The following VPS45 variants were observed in gnomAD, a reference collection of about 807,000 sequenced individuals.
VPS45 encodes the protein vacuolar protein sorting-associated protein 45.
In VPS45, 35 loss-of-function variants were observed where a neutral mutation model predicts 75.9. The observed-to-expected ratio is 0.46, with a 90% CI of 0.35 to 0.61. The LOEUF (loss-of-function observed/expected upper bound fraction) is 0.61. Ranked by LOEUF, VPS45 falls within the 20% of genes least tolerant of loss-of-function variation. The pLI is 0.00. For missense variants in VPS45, 559 were observed against 685.9 expected, an observed-to-expected ratio of 0.81 and a Z score of 2.07; for synonymous variants, 220 against 238.2, an observed-to-expected ratio of 0.92 and a Z score of 0.70.
chr1:150,083,062 G>A, intron 10 of VPS45, 179 bp downstream of exon 10: 4 of 639,620 alleles, frequency 6.3e-6, no homozygotes, highest in Non-Finnish European at 9.8e-6. Flanking sequence ...CAAGAGAAGT[G>A]TAATGTGCAA....
chr1:150,070,567 C>T (rs1469905042), intron 2 of VPS45, among the ~76,000 whole-genome samples: 2 of 150,862 alleles, frequency 1.3e-5, no homozygotes, highest in Non-Finnish European at 2.9e-5. Flanking sequence ...CCAAGGCAGG[C>T]GGATCACGAG....
chr1:150,120,475 A>G (rs1658177436), intron 14 of VPS45, among the ~76,000 whole-genome samples: 1 of 152,218 alleles, frequency 6.6e-6, no homozygotes, highest in Non-Finnish European at 1.5e-5. Context: ...GAGCCTTTGT[A>G]TAAGTAAGCT....
In VPS45 at chr1:150,078,757, G is replaced by A. The variant is rs112116652; in HGVS notation, c.687+978G>A. 8.0e-3 allele frequency among the ~76,000 whole-genome samples: 1,205 copies of A among 150,190 alleles called. 11 individuals carry two copies. The highest frequency in any genetic ancestry group is 0.028 in the African/African-American group (1,155 of 40,822). ...AGCCAGGGCGACAGAGCAAGACTCC[G>A]TCTCCAAAAATAAATAAATAAATAA... On this transcript the variant is annotated intron_variant, in intron 7 of 14. Transcript: ENST00000644510.
chr1:150,093,712 A>G, intron 13 of VPS45, 64 bp downstream of exon 13: 1 of 1,565,300 alleles, frequency 6.4e-7, no homozygotes, highest in Non-Finnish European at 8.7e-7. Flanking sequence ...AATTTAGAGT[A>G]ATGTTAAGGA....
chr1:150,141,597 G>T (rs1659394979), intron 14 of VPS45, among the ~76,000 whole-genome samples: 1 of 152,098 alleles, frequency 6.6e-6, no homozygotes, highest in Non-Finnish European at 1.5e-5. Flanking sequence ...TTAAAATCAG[G>T]GTTGGGGTTC....
chr1:150,105,074 C>T (rs888988887), intron 13 of VPS45, among the ~76,000 whole-genome samples: 12 of 152,166 alleles, frequency 7.9e-5, no homozygotes, highest in Non-Finnish European at 1.3e-4. Flanking sequence ...TGAGCATTCC[C>T]TTTTCTCCGC....
chr1:150,080,318 A>T (rs1553799038), intron 7 of VPS45, among the ~76,000 whole-genome samples: 1 of 151,756 alleles, frequency 6.6e-6, no homozygotes, highest in African/African-American at 2.4e-5. Context: ...CTAGTTTTGT[A>T]TTTTTAGTAG....
chr1:150,097,308 A>G (rs1182366589), intron 13 of VPS45, among the ~76,000 whole-genome samples: 1 of 148,766 alleles, frequency 6.7e-6, no homozygotes, highest in Admixed American at 6.6e-5. Flanking sequence ...CTGGTCTCGA[A>G]CTCCTGACCT....
chr1:150,118,283 CA>C (rs1255302690), intron 14 of VPS45, among the ~76,000 whole-genome samples: 14,852 of 71,746 alleles, frequency 0.21, 500 homozygotes, highest in Non-Finnish European at 0.25. Flanking sequence ...GACCCTGTCT[CA>C]AAAAAAAAAA....
At chr1:150,067,666 C>G (rs587720245), upstream of VPS45, 1 of 547,778 alleles carries the variant, frequency 1.8e-6, no homozygotes, top group Non-Finnish European at 3.2e-6. Flanking sequence ...CCGGATTTTT[C>G]CATCCCCGGG....
Position 150,088,434 on chromosome 1 carries a change from AAT to A in VPS45, c.1105-3482_1105-3481del, listed in dbSNP as rs200780573. On this transcript the variant is annotated intron_variant, in intron 10 of 14. Coordinates refer to ENST00000644510, the MANE Select transcript of VPS45 (RefSeq NM_007259.5). ...TGTTCTATTTCATGGCTGAATAATAAATATATATATATATATATATATGCTGC... is the reference window on the plus strand; with the variant it reads ...TGTTCTATTTCATGGCTGAATAATAAATATATATATATATATATATGCTGC... 2.2e-3 allele frequency among the ~76,000 whole-genome samples: 282 copies of A among 125,340 alleles called. 3 individuals carry two copies. In the East Asian group the frequency reaches 0.028, roughly 13 times the overall value. The allele number at this position is 125,340 out of a possible 152,430, so 82.2% of individuals were successfully genotyped here. A position where few individuals can be genotyped will look rare whatever the true frequency, so the allele number is the denominator to read the frequency against.
chr1:150,136,138 A>G (rs966121805), intron 14 of VPS45, among the ~76,000 whole-genome samples: 2 of 150,720 alleles, frequency 1.3e-5, no homozygotes, highest in African/African-American at 4.9e-5. Flanking sequence ...AATCCCAGCT[A>G]CTAGCAGGGC....
At chr1:150,144,548 G>GT (rs1333350878) in intron 14 of VPS45, among the ~76,000 whole-genome samples, 161 bp from the exon 15 acceptor site, 1 of 152,070 alleles carries the variant, frequency 6.6e-6, no homozygotes, top group African/African-American at 2.4e-5. Flanking sequence ...GGATGTTGTA[G>GT]TGCTCAACTG....
intron 14 of VPS45, among the ~76,000 whole-genome samples, chr1:150,128,530 G>T (rs1413298349): frequency 1.3e-5 from 2 of 152,058 alleles, no homozygotes; most frequent in African/African-American, 4.8e-5. Context: ...TTATCAACAG[G>T]TACTTTATAG....
At chr1:150,072,437 C>T (rs1270161604) in intron 3 of VPS45, among the ~76,000 whole-genome samples, 10 of 152,026 alleles carry the variant, frequency 6.6e-5, no homozygotes, top group African/African-American at 1.4e-4. Flanking sequence ...CCAAGGCGGG[C>T]GGATCATCTG....
At chr1:150,126,763 C>T (rs1284493138) in intron 14 of VPS45, among the ~76,000 whole-genome samples, 22 of 152,058 alleles carry the variant, frequency 1.4e-4, no homozygotes, top group Non-Finnish European at 1.6e-4. Context: ...GCCAGGGGTT[C>T]AAGAACAGCC....
At chr1:150,132,598 T>A (rs1260415443) in intron 14 of VPS45, among the ~76,000 whole-genome samples, 1 of 152,206 alleles carries the variant, frequency 6.6e-6, no homozygotes, top group African/African-American at 2.4e-5. Context: ...AGCACATATG[T>A]TCTTTCACTA....
chr1:150,072,113 T>C, intron 2 of VPS45, 53 bp from the exon 3 acceptor site: 1 of 1,512,682 alleles, frequency 6.6e-7, no homozygotes, highest in Non-Finnish European at 9.1e-7. Context: ...CTTATTACTT[T>C]TTTCCTTAAG....
At chr1:150,140,624 C>G (rs1659347899) in intron 14 of VPS45, among the ~76,000 whole-genome samples, 1 of 151,858 alleles carries the variant, frequency 6.6e-6, no homozygotes, top group African/African-American at 2.4e-5. Flanking sequence ...GCTTCTAGAA[C>G]AGTGCCTAGC....
Sources: allele counts gnomAD v4.1 joint callset (sites outside exome capture counted in the v4.1 genomes callset), GRCh38; gene constraint gnomAD v4.1.1; transcripts MANE v1.5; gene names NCBI Gene and HGNC (gene_info 2026-07-23, HGNC 2026-07-21).